HEG1: variants seen among roughly 807,000 people sequenced by gnomAD.
HEG1 encodes the protein protein HEG homolog 1.
Under a neutral mutation model 125.6 loss-of-function variants are expected in HEG1, and 56 were observed. That is an observed-to-expected ratio of 0.45 (90% confidence interval 0.36 to 0.56). HEG1 has a LOEUF of 0.56. HEG1 is among the 20% of genes least tolerant of loss of function. HEG1 has a pLI of 0.00. For synonymous variants in HEG1, 644 were observed against 668.5 expected (o/e 0.96, Z 0.57); for missense variants, 1,523 against 1,670.0 (o/e 0.91, Z 1.53).
chr3:125,005,831 C>T (rs979622234), intron 8 of HEG1, among the ~76,000 whole-genome samples: 1 of 152,226 alleles, frequency 6.6e-6, no homozygotes, highest in African/African-American at 2.4e-5. Context: ...CTCTCGTCCT[C>T]TGAGGTCTCC....
In HEG1 at chr3:125,013,593, G is replaced by A. The variant is rs1560025463; in HGVS notation, c.1986C>T (p.Ser662=). ...AAGAAGAAGAGGAGGAGGAGGAAGA[G>A]GAGGAGGAGGAGTCACTAACAAACT... ...DAEFVSDSSS[S]SSSSSSSSSS... Residue 662 remains serine (S), a synonymous_variant, in exon 6 of 17, where the codon TCC becomes TCT. Transcript: ENST00000311127. 2.5e-6 allele frequency: 4 copies of A among 1,591,600 alleles called. No homozygotes were observed. In the South Asian group the frequency reaches 3.4e-5, roughly 13 times the overall value.
chr3:124,984,522 G>C (rs1936708483), intron 14 of HEG1, among the ~76,000 whole-genome samples: 1 of 152,292 alleles, frequency 6.6e-6, no homozygotes, highest in Admixed American at 6.5e-5. Flanking sequence ...GCTTTGGGAG[G>C]CTGAGGCAGG....
Position 125,055,950 on chromosome 3 carries a change from G to GGGCAGCA in HEG1, c.-61_-60insTGCTGCC, listed in dbSNP as rs1937932888. ...GCGCGGGGCGAGGGCAGCGGGCAGC[G>GGGCAGCA]GGCAGCGGGCGGCGGGGGCCGCGCG... On this transcript the variant is annotated 5_prime_UTR_variant, in exon 1 of 17. Coordinates refer to ENST00000311127, the MANE Select transcript of HEG1 (RefSeq NM_020733.2). 11 of 870,708 alleles carry GGGCAGCA rather than the reference G, an allele frequency of 1.3e-5. No individual in the cohort carries two copies. Among genetic ancestry groups the GGGCAGCA allele is most frequent in the Non-Finnish European group, 1.4e-5 (10 of 727,034 alleles). The allele number at this position is 870,708 out of a possible 1,614,324, so 53.9% of individuals were successfully genotyped here. A position where few individuals can be genotyped will look rare whatever the true frequency, so the allele number is the denominator to read the frequency against.
intron 1 of HEG1, among the ~76,000 whole-genome samples, chr3:125,040,525 C>T (rs899112699): frequency 6.6e-6 from 1 of 152,150 alleles, no homozygotes; most frequent in African/African-American, 2.4e-5. Flanking sequence ...TTGCCCGTTC[C>T]TGCCTCCCCG....
At chr3:124,971,032 G>A in intron 16 of HEG1, 5 of 610,372 alleles carry the variant, frequency 8.2e-6, no homozygotes, top group South Asian at 8.0e-5. Flanking sequence ...GATGCAAACG[G>A]AGGAACTGAC....
intron 14 of HEG1, among the ~76,000 whole-genome samples, chr3:124,989,496 G>A (rs902260490): frequency 1.9e-5 from 2 of 107,472 alleles, no homozygotes; most frequent in Non-Finnish European, 4.2e-5. Flanking sequence ...CCTATGATAT[G>A]CTATATCCCC....
Position 125,014,849 on chromosome 3 carries a change from C to A in HEG1, c.1589-859G>T. On this transcript the variant is annotated intron_variant, in intron 5 of 16. Coordinates refer to ENST00000311127, the MANE Select transcript of HEG1 (RefSeq NM_020733.2). ...TGCCTGCTTCCCCAGAAGTCGTGCT[C>A]ATGCTGGTGTTGGTGAGGGTGACAG... The A allele has an allele frequency of 3.1e-6, 4 of 1,289,876 alleles. No homozygotes were observed. The South Asian group carries it at 4.9e-5, about 16-fold the overall frequency. The allele number at this position is 1,289,876 out of a possible 1,614,324, so 79.9% of individuals were successfully genotyped here.
chr3:124,973,007 T>G (rs6776945), intron 16 of HEG1, among the ~76,000 whole-genome samples: 55,359 of 140,508 alleles, frequency 0.39, 10,621 homozygotes, highest in African/African-American at 0.52. Flanking sequence ...TGTTGTTGTT[T>G]ATTATTGCTA....
At chr3:124,981,441 C>T (rs1667216110) in intron 14 of HEG1, among the ~76,000 whole-genome samples, 1 of 152,086 alleles carries the variant, frequency 6.6e-6, no homozygotes, top group Non-Finnish European at 1.5e-5. Flanking sequence ...CACGGCAGAC[C>T]ACAAGTTGTG....
intron 3 of HEG1, among the ~76,000 whole-genome samples, chr3:125,021,514 T>C (rs1937335753): frequency 6.6e-6 from 1 of 152,252 alleles, no homozygotes; most frequent in Non-Finnish European, 1.5e-5. Context: ...GTTTTAGCAA[T>C]GTAACCTTTT....
At chr3:124,987,952 C>CACACACATATATAT in intron 14 of HEG1, among the ~76,000 whole-genome samples, 1 of 54,660 alleles carries the variant, frequency 1.8e-5, no homozygotes, top group Non-Finnish European at 4.6e-5. Flanking sequence ...CACACACACA[C>CACACACATATATAT]ATATATATAT....
In HEG1 at chr3:125,029,456, T is replaced by G; in HGVS notation, c.349A>C (p.Thr117Pro). 6.3e-7 allele frequency: 1 copy of G among 1,598,330 alleles called. No homozygotes were observed. ...AAWKHWPESN[T>P]EAHVENITFY... is the part of the protein sequence containing the mutation. ...GTGATGTTTTCTACATGGGCCTCAGTGTTACTTTCTGGCCAATGTTTCCAG... is the reference window on the plus strand; with the variant it reads ...GTGATGTTTTCTACATGGGCCTCAGGGTTACTTTCTGGCCAATGTTTCCAG... The change falls in exon 2 of 17, where the codon ACT (threonine) becomes CCT (proline). Residue 117 changes from threonine (T) to proline (P), a missense_variant. Thr to Pro is a conservative substitution (Grantham distance 38, BLOSUM62 -1). Transcript: ENST00000311127.
rs537428524 is a variant in HEG1 at position 125,004,472 on chromosome 3, T to C, written c.3297+793A>G. 2.0e-5 allele frequency among the ~76,000 whole-genome samples: 3 copies of C among 152,256 alleles called. No individual in the cohort carries two copies. The South Asian group carries it at 6.2e-4, about 32-fold the overall frequency. Reference sequence around the variant, plus strand: ...CTTTCTTCCTCTCCATTTTCCTTTTTAGTTGTTTCTGTTTTGGGGGGTTTC... The same window carrying C: ...CTTTCTTCCTCTCCATTTTCCTTTTCAGTTGTTTCTGTTTTGGGGGGTTTC... On this transcript the variant is annotated intron_variant, in intron 9 of 16. Coordinates refer to ENST00000311127, the MANE Select transcript of HEG1 (RefSeq NM_020733.2).
intron 11 of HEG1, 65 bp from the exon 12 acceptor site, chr3:124,997,888 C>T: frequency 6.8e-7 from 1 of 1,466,792 alleles, no homozygotes; most frequent in Non-Finnish European, 9.1e-7. Flanking sequence ...CTTAAAATCT[C>T]CTCCACTTCA....
At chr3:125,052,550 C>T (rs897659710) in intron 1 of HEG1, among the ~76,000 whole-genome samples, 5 of 152,216 alleles carry the variant, frequency 3.3e-5, no homozygotes, top group Admixed American at 2.0e-4. Flanking sequence ...CCTTCTCTCC[C>T]TCTCATCTGC....
intron 3 of HEG1, among the ~76,000 whole-genome samples, chr3:125,026,707 T>C (rs538482111): frequency 2.0e-5 from 3 of 152,274 alleles, no homozygotes; most frequent in South Asian, 2.1e-4. Flanking sequence ...TGTTTGAGAA[T>C]AGACACCAAT....
chr3:124,988,408 T>G (rs551321280), intron 14 of HEG1, among the ~76,000 whole-genome samples: 1 of 152,216 alleles, frequency 6.6e-6, no homozygotes, highest in Non-Finnish European at 1.5e-5. Context: ...GAATTTTGAC[T>G]ATTCTTTAAT....
rs1353460722 is a variant in HEG1 at position 125,055,565 on chromosome 3, TCTCA to T, written c.316+6_316+9del. Reference sequence around the variant, plus strand: ...ACTGGCCAGGCGCCAGGTTCCCGGCTCTCACTCACCCGCGCTCCCGCCTCTGGGG... The same window carrying T: ...ACTGGCCAGGCGCCAGGTTCCCGGCTCTCACCCGCGCTCCCGCCTCTGGGG... On this transcript the variant is annotated splice_donor_region_variant and intron_variant, in intron 1 of 16. Coordinates refer to ENST00000311127, the MANE Select transcript of HEG1 (RefSeq NM_020733.2). 1.2e-5 allele frequency: 15 copies of T among 1,202,594 alleles called. No homozygotes were observed. Among genetic ancestry groups the T allele is most frequent in the Admixed American group, 8.8e-5 (2 of 22,632 alleles). The allele number at this position is 1,202,594 out of a possible 1,614,324, so 74.5% of individuals were successfully genotyped here. A position where few individuals can be genotyped will look rare whatever the true frequency, so the allele number is the denominator to read the frequency against.
intron 1 of HEG1, among the ~76,000 whole-genome samples, chr3:125,031,704 C>T (rs551899774): frequency 5.1e-5 from 2 of 39,554 alleles, no homozygotes; most frequent in South Asian, 2.4e-3. Flanking sequence ...CCCACATATA[C>T]CCCCCACACA....
Sources: allele counts gnomAD v4.1 joint callset (sites outside exome capture counted in the v4.1 genomes callset), GRCh38; gene constraint gnomAD v4.1.1; transcripts MANE v1.5; gene names NCBI Gene and HGNC (gene_info 2026-07-23, HGNC 2026-07-21).